The following TTC7B variants were observed in gnomAD, a reference collection of about 807,000 sequenced individuals.
TTC7B encodes tetratricopeptide repeat domain 7B, also known as tetratricopeptide repeat protein 7B.
In TTC7B, 28 loss-of-function variants were observed where a neutral mutation model predicts 106.8. That is an observed-to-expected ratio of 0.26 (90% CI 0.19 to 0.36). The LOEUF is 0.36. TTC7B is among the 10% of genes least tolerant of loss of function. The pLI is 1.00. For synonymous variants in TTC7B, 405 were observed against 430.6 expected (o/e 0.94, Z 0.74); for missense variants, 862 against 1,076.4 (o/e 0.80, Z 2.79).
At chr14:90,641,979 G>A in intron 15 of TTC7B, among the ~76,000 whole-genome samples, 1 of 151,828 alleles carries the variant, frequency 6.6e-6, no homozygotes, top group Middle Eastern at 3.2e-3. Context: ...GTGAGACACG[G>A]AATGAAGCTT....
chr14:90,731,541 GC>G (rs1889328983), intron 4 of TTC7B, among the ~76,000 whole-genome samples: 1 of 152,200 alleles, frequency 6.6e-6, no homozygotes, highest in Non-Finnish European at 1.5e-5. Flanking sequence ...ACCCAGGTGG[GC>G]AACCCTTGCA....
chr14:90,816,082 GCCCGCGCCCCGCGCCCGGCCGCGCCT>G, intron 1 of TTC7B, 67 bp downstream of exon 1: 4 of 978,512 alleles, frequency 4.1e-6, no homozygotes, highest in Middle Eastern at 1.1e-3. Context: ...CCGCGCCCCT[GCCCGCGCCCCGCGCCCGGCCGCGCCT>G]CGGGGGCCCG....
At chr14:90,618,872 C>A (rs141203728) in intron 15 of TTC7B, among the ~76,000 whole-genome samples, 1 of 152,182 alleles carries the variant, frequency 6.6e-6, no homozygotes, top group Non-Finnish European at 1.5e-5. Flanking sequence ...CTGACTTACC[C>A]GCTCTCACAC....
intron 4 of TTC7B, among the ~76,000 whole-genome samples, chr14:90,735,799 T>G (rs954134351): frequency 4.6e-5 from 7 of 152,012 alleles, no homozygotes; most frequent in African/African-American, 1.4e-4. Flanking sequence ...CTAAATATAA[T>G]TCTCCAAATT....
At position 90,621,341 on chromosome 14, in the gene TTC7B, G is replaced by A. The variant is rs545611599; in HGVS notation, c.1752-3296C>T. 3.0e-4 allele frequency among the ~76,000 whole-genome samples: 44 copies of A among 144,666 alleles called. 1 individual carries two copies. The highest frequency in any genetic ancestry group is 1.4e-3 in the Admixed American group (20 of 14,740). The allele number at this position is 144,666 out of a possible 152,430, so 94.9% of individuals were successfully genotyped here. A position where few individuals can be genotyped will look rare whatever the true frequency, so the allele number is the denominator to read the frequency against. ...AGCCGGGACGATGGGCAGAGGCCACGCGGGTACGGCCGGGACGATGGGCAG... is the reference window on the plus strand; with the variant it reads ...AGCCGGGACGATGGGCAGAGGCCACACGGGTACGGCCGGGACGATGGGCAG... On this transcript the variant is annotated intron_variant, in intron 15 of 19. Coordinates refer to ENST00000328459, the MANE Select transcript of TTC7B (RefSeq NM_001010854.2).
intron 1 of TTC7B, among the ~76,000 whole-genome samples, chr14:90,792,923 T>A (rs1891635580): frequency 6.6e-6 from 1 of 152,032 alleles, no homozygotes; most frequent in Non-Finnish European, 1.5e-5. Context: ...AACCATGAAG[T>A]GCTGGGAGAG....
chr14:90,741,982 G>A (rs1379381196), intron 4 of TTC7B, among the ~76,000 whole-genome samples: 1 of 152,176 alleles, frequency 6.6e-6, no homozygotes, highest in Non-Finnish European at 1.5e-5. Context: ...TGAAAATCGT[G>A]TACCTACGCT....
intron 14 of TTC7B, chr14:90,645,095 T>G (rs1885378069): frequency 6.6e-6 from 1 of 152,164 alleles, no homozygotes; most frequent in African/African-American, 2.4e-5. Flanking sequence ...ACTGAAGCAT[T>G]CTTGCACAAC....
chr14:90,555,468 C>T lies in TTC7B; in HGVS notation c.2311-13879G>A, dbSNP rs543661834. On this transcript the variant is annotated intron_variant, in intron 19 of 19. Transcript: ENST00000328459. ...GTGACCTGAAGAATGGCTGCCCTAT[C>T]GCGTGCACGCTGAGGGGTGCAGGAG... is the stretch of plus-strand genomic sequence containing the variant. 5.3e-5 allele frequency among the ~76,000 whole-genome samples: 8 copies of T among 152,258 alleles called. No individual in the cohort carries two copies. In the South Asian group the frequency reaches 1.7e-3, roughly 32 times the overall value.
intron 3 of TTC7B, among the ~76,000 whole-genome samples, chr14:90,771,803 T>C (rs1425423730): frequency 6.6e-6 from 1 of 151,072 alleles, no homozygotes; most frequent in Non-Finnish European, 1.5e-5. Context: ...TGCACGTGTG[T>C]GTGTGTAACA....
intron 2 of TTC7B, among the ~76,000 whole-genome samples, chr14:90,782,138 T>C (rs1264602591): frequency 6.6e-6 from 1 of 152,092 alleles, no homozygotes; most frequent in Non-Finnish European, 1.5e-5. Context: ...CTTCCAGGCA[T>C]TTCTTGGAAG....
In TTC7B at chr14:90,643,278, G is replaced by A. The variant is rs548603773; in HGVS notation, c.1751+770C>T. Among the ~76,000 whole-genome samples, 5 of 152,086 alleles carry A rather than the reference G, an allele frequency of 3.3e-5. No individual in the cohort carries two copies. In the South Asian group the frequency reaches 8.3e-4, roughly 25 times the overall value. On this transcript the variant is annotated intron_variant, in intron 15 of 19. Coordinates refer to ENST00000328459, the MANE Select transcript of TTC7B (RefSeq NM_001010854.2). ...AAAAAATTAGCTGGGTGTGGTGGCA[G>A]GCGCCTGTAGTCCCAGCTACTAGGG...
chr14:90,695,486 C>T lies in TTC7B; in HGVS notation c.777+14G>A, dbSNP rs984752742. 5 of 1,567,344 alleles carry T rather than the reference C, an allele frequency of 3.2e-6. No individual in the cohort carries two copies. Among genetic ancestry groups the T allele is most frequent in the African/African-American group, 2.7e-5 (2 of 72,888 alleles). The stretch of plus-strand genomic sequence containing the variant: ...TGCCCTGCTGGCCTCAATCAAGTCA[C>T]TGTTCACACTTACCATTCGCAGGTT... On this transcript the variant is annotated intron_variant, in intron 6 of 19. Transcript: ENST00000328459.
At chr14:90,800,547 C>T (rs1484998319) in intron 1 of TTC7B, among the ~76,000 whole-genome samples, 1 of 152,108 alleles carries the variant, frequency 6.6e-6, no homozygotes, top group Non-Finnish European at 1.5e-5. Flanking sequence ...CGAGGTGGCT[C>T]ACACCTGTAA....
chr14:90,731,521 G>A (rs543080921), intron 4 of TTC7B, among the ~76,000 whole-genome samples: 46 of 152,280 alleles, frequency 3.0e-4, no homozygotes, highest in Non-Finnish European at 5.6e-4. Flanking sequence ...ACGAGACATC[G>A]AGGAATGAAA....
intron 3 of TTC7B, 49 bp from the exon 4 acceptor site, chr14:90,744,971 G>T (rs1009347604): frequency 4.4e-6 from 7 of 1,599,706 alleles, no homozygotes; most frequent in African/African-American, 1.3e-5. Context: ...TTTTCATAAG[G>T]CTTCATTTTT....
At chr14:90,786,091 G>A (rs527756778) in intron 2 of TTC7B, 83 bp downstream of exon 2, 19 of 1,427,156 alleles carry the variant, frequency 1.3e-5, no homozygotes, top group African/African-American at 4.4e-5. Flanking sequence ...AGCTCCAAAC[G>A]TCACCCGGCT....
At chr14:90,594,658 G>A (rs1177560243) in intron 17 of TTC7B, among the ~76,000 whole-genome samples, 1 of 151,980 alleles carries the variant, frequency 6.6e-6, no homozygotes, top group African/African-American at 2.4e-5. Context: ...CATTGAGAGT[G>A]GTAACTACCA....
chr14:90,613,267 C>A (rs778479295), intron 16 of TTC7B, among the ~76,000 whole-genome samples: 2 of 151,968 alleles, frequency 1.3e-5, no homozygotes, highest in African/African-American at 2.4e-5. Flanking sequence ...TGGCGGCATG[C>A]ACCTGTGACC....
Sources: allele counts gnomAD v4.1 joint callset (sites outside exome capture counted in the v4.1 genomes callset), GRCh38; gene constraint gnomAD v4.1.1; transcripts MANE v1.5; gene names NCBI Gene and HGNC (gene_info 2026-07-23, HGNC 2026-07-21).